The following IDO2 variants were observed in gnomAD, a reference collection of about 807,000 sequenced individuals.
IDO2 encodes the protein indoleamine 2,3-dioxygenase 2, also known as indoleamine 2,3-dioxygenase-like 1 protein.
IDO2 carries 46 observed loss-of-function variants against 45.1 expected under a neutral mutation model. The ratio of observed to expected loss-of-function variants is 1.02; its 90% CI spans 0.80 to 1.30. The LOEUF (loss-of-function observed/expected upper bound fraction) is 1.30. IDO2 is among the 50% of genes most tolerant of loss of function. The pLI is 0.00. For synonymous variants in IDO2, 218 were observed against 184.9 expected (o/e 1.18, Z -1.45); for missense variants, 544 against 491.8 (o/e 1.11, Z -1.00).
intron 2 of IDO2, among the ~76,000 whole-genome samples, chr8:39,959,305 G>A (rs62513120): frequency 0.17 from 26,385 of 151,254 alleles, 2,883 homozygotes; most frequent in South Asian, 0.32. Flanking sequence ...TAGGAGAGAC[G>A]GGGTTTCACC....
chr8:39,978,715 C>A (rs1324153560), intron 3 of IDO2, among the ~76,000 whole-genome samples: 1 of 152,036 alleles, frequency 6.6e-6, no homozygotes. Flanking sequence ...ATGCAAGACT[C>A]CTAGGAAATA....
At chr8:39,998,389 C>T (rs978304661) in intron 8 of IDO2, 1 of 152,104 alleles carries the variant, frequency 6.6e-6, no homozygotes, top group African/African-American at 2.4e-5. Flanking sequence ...TTCATGCTGT[C>T]CTCACTGTCA....
intron 3 of IDO2, among the ~76,000 whole-genome samples, chr8:39,965,100 T>C (rs1808065218): frequency 6.6e-6 from 1 of 152,246 alleles, no homozygotes. Flanking sequence ...CTTGTTAAAT[T>C]GGGGCTCCTC....
At chr8:39,952,269 C>T (rs1475848703) in intron 2 of IDO2, among the ~76,000 whole-genome samples, 1 of 152,186 alleles carries the variant, frequency 6.6e-6, no homozygotes, top group Admixed American at 6.5e-5. Context: ...GACACCAGAT[C>T]TTACTTTCGT....
chr8:39,971,934 G>A (rs993150568), intron 3 of IDO2, among the ~76,000 whole-genome samples: 13 of 151,982 alleles, frequency 8.6e-5, no homozygotes, highest in African/African-American at 2.7e-4. Context: ...TCAGCCTCCC[G>A]AGTTCCTAGG....
chr8:39,950,924 T>C (rs1317215657), intron 2 of IDO2, among the ~76,000 whole-genome samples: 1 of 152,154 alleles, frequency 6.6e-6, no homozygotes, highest in Non-Finnish European at 1.5e-5. Flanking sequence ...TGGCTAGCAA[T>C]CTTATAGTAA....
At chr8:40,004,525 T>TGTTAGATA (rs1554549462) in intron 8 of IDO2, among the ~76,000 whole-genome samples, 3 of 144,398 alleles carry the variant, frequency 2.1e-5, no homozygotes, top group Non-Finnish European at 3.1e-5. Context: ...GACAGACAGA[T>TGTTAGATA]GATAGATAGA....
intron 1 of IDO2, among the ~76,000 whole-genome samples, chr8:39,938,932 A>T (rs182920483): frequency 5.4e-4 from 83 of 152,320 alleles, no homozygotes; most frequent in African/African-American, 2.0e-3. Flanking sequence ...CAGCACTCTC[A>T]GTGCTGGTGA....
At chr8:40,007,053 G>A (rs543510711) in intron 9 of IDO2, among the ~76,000 whole-genome samples, 9 of 151,868 alleles carry the variant, frequency 5.9e-5, no homozygotes, top group South Asian at 2.1e-4. Flanking sequence ...TATTAACTTC[G>A]GAAATTAAGA....
chr8:39,997,473 C>A (rs1010769605), intron 8 of IDO2, among the ~76,000 whole-genome samples: 7 of 151,790 alleles, frequency 4.6e-5, no homozygotes, highest in African/African-American at 1.7e-4. Flanking sequence ...GAGTTTGAGA[C>A]CAGCCTGGGC....
At chr8:39,986,914 TC>T (rs1300776548) in intron 6 of IDO2, 2 of 142,164 alleles carry the variant, frequency 1.4e-5, no homozygotes, top group Non-Finnish European at 3.1e-5. Flanking sequence ...TCACTCTATC[TC>T]CCAGGCTGGA....
intron 8 of IDO2, among the ~76,000 whole-genome samples, chr8:40,004,757 G>T (rs1291494653): frequency 6.6e-6 from 1 of 152,206 alleles, no homozygotes; most frequent in African/African-American, 2.4e-5. Context: ...GGAAGAATCA[G>T]TTATCCTCAA....
At chr8:40,004,159 A>C (rs1182262810) in intron 8 of IDO2, among the ~76,000 whole-genome samples, 1 of 152,240 alleles carries the variant, frequency 6.6e-6, no homozygotes, top group African/African-American at 2.4e-5. Flanking sequence ...AGTAGGACCC[A>C]GTAAAAATCT....
chr8:39,974,516 C>T (rs1808229610), intron 3 of IDO2, among the ~76,000 whole-genome samples: 1 of 152,204 alleles, frequency 6.6e-6, no homozygotes, highest in Non-Finnish European at 1.5e-5. Flanking sequence ...GGCACGGTGG[C>T]TCACGCCTGT....
chr8:39,993,874 G>T (rs1423818212), intron 8 of IDO2, among the ~76,000 whole-genome samples: 2 of 152,002 alleles, frequency 1.3e-5, no homozygotes, highest in African/African-American at 4.8e-5. Context: ...GGGCATGGTG[G>T]CACATGCCTG....
chr8:40,010,143 G>A (rs1167444502), intron 9 of IDO2, among the ~76,000 whole-genome samples: 3 of 152,166 alleles, frequency 2.0e-5, no homozygotes, highest in African/African-American at 4.8e-5. Flanking sequence ...TGGATAGAGA[G>A]TATTAGAGAC....
intron 2 of IDO2, among the ~76,000 whole-genome samples, chr8:39,959,808 C>T (rs1807965694): frequency 6.6e-6 from 1 of 152,056 alleles, no homozygotes; most frequent in Non-Finnish European, 1.5e-5. Context: ...TGAAACTGTG[C>T]CTCAAAATGA....
At chr8:39,950,278 C>T (rs763187660) in intron 2 of IDO2, among the ~76,000 whole-genome samples, 13 of 152,114 alleles carry the variant, frequency 8.5e-5, no homozygotes, top group Admixed American at 1.3e-4. Flanking sequence ...GCCTATAATC[C>T]CAGCACTTTT....
chr8:40,003,152 C>G (rs1388484713), intron 8 of IDO2, among the ~76,000 whole-genome samples: 1 of 151,864 alleles, frequency 6.6e-6, no homozygotes, highest in Non-Finnish European at 1.5e-5. Flanking sequence ...GGTGGATCAC[C>G]TGAGGTCAGG....
Sources: allele counts gnomAD v4.1 joint callset (sites outside exome capture counted in the v4.1 genomes callset), GRCh38; gene constraint gnomAD v4.1.1; transcripts MANE v1.5; gene names NCBI Gene and HGNC (gene_info 2026-07-23, HGNC 2026-07-21).